The following STPG2 variants were observed in gnomAD, a reference collection of about 807,000 sequenced individuals.
STPG2 encodes sperm tail PG-rich repeat containing 2.
Under a neutral mutation model 54.2 loss-of-function variants are expected in STPG2, and 56 were observed. The observed-to-expected ratio is 1.03, with a 90% CI of 0.83 to 1.29. The LOEUF (loss-of-function observed/expected upper bound fraction) is 1.29, where lower values mean the gene tolerates loss of function less well. STPG2 is among the 50% of genes most tolerant of loss of function. The pLI is 0.00. For missense variants in STPG2, 596 were observed against 544.9 expected (o/e 1.09, Z -0.93); for synonymous variants, 200 against 181.8 (o/e 1.10, Z -0.81).
chr4:98,056,115 C>A (rs548559219), intron 5 of STPG2, among the ~76,000 whole-genome samples: 3 of 152,282 alleles, frequency 2.0e-5, no homozygotes, highest in South Asian at 4.1e-4. Context: ...TTTGCCCCCC[C>A]CCAAATAAAC....
At chr4:97,498,995 T>C (rs917035831) in intron 4 of STPG2, among the ~76,000 whole-genome samples, 2 of 151,934 alleles carry the variant, frequency 1.3e-5, no homozygotes, top group African/African-American at 2.4e-5. Context: ...TAAGGAATGA[T>C]GAGTCACAAA....
chr4:97,694,302 A>C (rs1344510648), intron 10 of STPG2, among the ~76,000 whole-genome samples: 5 of 152,164 alleles, frequency 3.3e-5, no homozygotes, highest in African/African-American at 1.2e-4. Context: ...GAGGATCCAA[A>C]TAAGCTCAAT....
intron 7 of STPG2, among the ~76,000 whole-genome samples, chr4:97,961,029 C>T (rs551167294): frequency 5.9e-5 from 9 of 151,338 alleles, no homozygotes; most frequent in Non-Finnish European, 1.0e-4. Context: ...ATAGAGAACT[C>T]GGAAATAAAC....
At chr4:97,984,486 T>C (rs540594661) in intron 5 of STPG2, among the ~76,000 whole-genome samples, 50 of 152,186 alleles carry the variant, frequency 3.3e-4, no homozygotes, top group African/African-American at 1.2e-3. Flanking sequence ...ACCCTCCAAT[T>C]CCAGCCCCCA....
intron 10 of STPG2, among the ~76,000 whole-genome samples, chr4:97,692,947 A>C (rs750645969): frequency 1.3e-5 from 2 of 152,202 alleles, no homozygotes; most frequent in Non-Finnish European, 2.9e-5. Context: ...CAGTGAAACT[A>C]AGCTTCATAA....
intron 9 of STPG2, among the ~76,000 whole-genome samples, chr4:97,817,738 GC>G (rs1727958980): frequency 6.6e-6 from 1 of 151,872 alleles, no homozygotes; most frequent in Admixed American, 6.6e-5. Context: ...GTGATAAGAA[GC>G]CTTTTAACTC....
At chr4:97,681,341 A>G (rs1250057196) in intron 10 of STPG2, among the ~76,000 whole-genome samples, 5 of 151,908 alleles carry the variant, frequency 3.3e-5, no homozygotes, top group Admixed American at 1.3e-4. Flanking sequence ...ATATTTCAGG[A>G]TGTGCTCTAG....
At chr4:97,970,661 A>C (rs186718233) in intron 7 of STPG2, among the ~76,000 whole-genome samples, 91 of 152,356 alleles carry the variant, frequency 6.0e-4, no homozygotes, top group Middle Eastern at 3.4e-3. Context: ...AAATTAATTC[A>C]AGATGGATTA....
chr4:97,692,736 C>T (rs940700756), intron 10 of STPG2, among the ~76,000 whole-genome samples: 2 of 152,140 alleles, frequency 1.3e-5, no homozygotes, highest in Non-Finnish European at 2.9e-5. Context: ...TGCCTAGGCA[C>T]ATAGTTCATC....
chr4:98,058,876 C>T (rs1737559781), intron 5 of STPG2, among the ~76,000 whole-genome samples: 1 of 151,810 alleles, frequency 6.6e-6, no homozygotes, highest in South Asian at 2.1e-4. Flanking sequence ...CACTAAATGC[C>T]CACATCAGAA....
chr4:98,143,276 A>G lies in STPG2; in HGVS notation c.-126T>C. On this transcript the variant is annotated 5_prime_UTR_variant, in exon 1 of 11. Transcript: ENST00000295268. The stretch of plus-strand genomic sequence containing the variant: ...GAGGAGGCCGGGAAAGAACTTCCGT[A>G]AACAGGGAAATTAGGGGTGGGGTTG... 9.0e-6 allele frequency: 6 copies of G among 668,586 alleles called. No individual in the cohort carries two copies. Among genetic ancestry groups the G allele is most frequent in the Non-Finnish European group, 1.0e-5 (4 of 393,334 alleles). The allele number at this position is 668,586 out of a possible 1,614,324, so 41.4% of individuals were successfully genotyped here. A position where few individuals can be genotyped will look rare whatever the true frequency, so the allele number is the denominator to read the frequency against.
chr4:97,519,858 G>T (rs1360228174), intron 4 of STPG2, among the ~76,000 whole-genome samples: 1 of 151,968 alleles, frequency 6.6e-6, no homozygotes, highest in Admixed American at 6.6e-5. Context: ...AAGGACAAGG[G>T]ATAGGTAATT....
chr4:97,949,627 A>G (rs1733389964), intron 7 of STPG2, among the ~76,000 whole-genome samples: 1 of 152,042 alleles, frequency 6.6e-6, no homozygotes, highest in South Asian at 2.1e-4. Flanking sequence ...CTCAGCACTT[A>G]TTTGTCTGAA....
chr4:97,456,116 A>C (rs1007486251), intron 4 of STPG2, among the ~76,000 whole-genome samples: 3 of 152,226 alleles, frequency 2.0e-5, no homozygotes, highest in African/African-American at 7.2e-5. Flanking sequence ...AGACTCCAAG[A>C]AAACATTTGT....
intron 9 of STPG2, among the ~76,000 whole-genome samples, chr4:97,716,887 A>G (rs1212489386): frequency 6.6e-6 from 1 of 152,042 alleles, no homozygotes; most frequent in Non-Finnish European, 1.5e-5. Context: ...CAATTTTTAA[A>G]AAGGGGTTAA....
At chr4:97,848,285 A>G (rs1289723525) in intron 8 of STPG2, among the ~76,000 whole-genome samples, 1 of 152,212 alleles carries the variant, frequency 6.6e-6, no homozygotes, top group Non-Finnish European at 1.5e-5. Context: ...ATAAACATAA[A>G]TAGCACACTG....
intron 10 of STPG2, among the ~76,000 whole-genome samples, chr4:97,587,813 G>C (rs905988886): frequency 6.6e-6 from 1 of 151,928 alleles, no homozygotes; most frequent in Non-Finnish European, 1.5e-5. Context: ...TAGAAACTAG[G>C]AATTAAACAT....
At chr4:97,478,017 C>T (rs377700663) in intron 4 of STPG2, among the ~76,000 whole-genome samples, 21 of 152,152 alleles carry the variant, frequency 1.4e-4, no homozygotes, top group South Asian at 1.0e-3. Context: ...ATTAAGCTAT[C>T]GCATAAGTAA....
At chr4:98,112,426 T>C (rs1739390965) in intron 3 of STPG2, among the ~76,000 whole-genome samples, 3 of 152,112 alleles carry the variant, frequency 2.0e-5, no homozygotes. Flanking sequence ...ATATACTCTA[T>C]GATGTTCACA....
Sources: allele counts gnomAD v4.1 joint callset (sites outside exome capture counted in the v4.1 genomes callset), GRCh38; gene constraint gnomAD v4.1.1; transcripts MANE v1.5; gene names NCBI Gene and HGNC (gene_info 2026-07-23, HGNC 2026-07-21).